The following ARMH3 variants were observed in gnomAD, a reference collection of about 807,000 sequenced individuals.
The protein encoded by ARMH3 is armadillo-like helical domain-containing protein 3.
In ARMH3, 60 loss-of-function variants were observed where a neutral mutation model predicts 99.1. The observed-to-expected ratio is 0.61, with a 90% confidence interval of 0.49 to 0.75. ARMH3 has a LOEUF of 0.75. Among genes scored for constraint, ARMH3 ranks in the 30% least tolerant of loss-of-function variants. The pLI is 0.00. For synonymous variants in ARMH3, 285 were observed against 292.8 expected (o/e 0.97, Z 0.27); for missense variants, 679 against 843.1 (o/e 0.81, Z 2.41).
chr10:101,979,737 C>G (rs932473195), intron 19 of ARMH3, among the ~76,000 whole-genome samples: 11 of 152,196 alleles, frequency 7.2e-5, no homozygotes, highest in African/African-American at 2.2e-4. Context: ...TATTCTATAA[C>G]TAGGTATGCT....
chr10:102,006,698 T>A, intron 13 of ARMH3, 65 bp from the exon 14 acceptor site: 1 of 1,442,170 alleles, frequency 6.9e-7, no homozygotes, highest in Non-Finnish European at 9.7e-7. Flanking sequence ...ATCAAGTGCC[T>A]AATACCAATA....
chr10:102,006,782 G>C, intron 13 of ARMH3, 149 bp from the exon 14 acceptor site: 1 of 624,968 alleles, frequency 1.6e-6, no homozygotes, highest in Non-Finnish European at 2.7e-6. Flanking sequence ...AGCTGGTCTC[G>C]AAATCCTAGG....
At chr10:101,989,590 G>A (rs1477208743) in intron 19 of ARMH3, among the ~76,000 whole-genome samples, 3 of 151,910 alleles carry the variant, frequency 2.0e-5, no homozygotes, top group Non-Finnish European at 2.9e-5. Context: ...GCATGGTGGT[G>A]TGCACCTGTA....
At chr10:102,037,131 A>G (rs2067296557) in intron 2 of ARMH3, among the ~76,000 whole-genome samples, 2 of 151,694 alleles carry the variant, frequency 1.3e-5, no homozygotes, top group Non-Finnish European at 2.9e-5. Flanking sequence ...TGTCATCACT[A>G]GTTAAGTCCT....
At chr10:101,997,614 G>C (rs1484855403) in intron 15 of ARMH3, among the ~76,000 whole-genome samples, 1 of 151,834 alleles carries the variant, frequency 6.6e-6, no homozygotes, top group East Asian at 1.9e-4. Context: ...AAATTCTGGA[G>C]AATGGAGAGG....
At chr10:101,973,098 C>A (rs575036132) in intron 20 of ARMH3, among the ~76,000 whole-genome samples, 1 of 152,048 alleles carries the variant, frequency 6.6e-6, no homozygotes. Flanking sequence ...TGGTGACTCA[C>A]GTCTGTAATC....
intron 23 of ARMH3, 124 bp from the exon 24 acceptor site, chr10:101,889,614 A>G: frequency 1.2e-6 from 1 of 864,060 alleles, no homozygotes; most frequent in Non-Finnish European, 2.0e-6. Flanking sequence ...GTGACTGGGT[A>G]ACTTCCTCTT....
intron 14 of ARMH3, among the ~76,000 whole-genome samples, 157 bp from the exon 15 acceptor site, chr10:102,002,229 T>C (rs2136064501): frequency 6.6e-6 from 1 of 152,194 alleles, no homozygotes. Flanking sequence ...TTTTATCTAC[T>C]CTTCCTAAGC....
At chr10:101,976,168 CAAAAAAA>C (rs780547260) in intron 19 of ARMH3, among the ~76,000 whole-genome samples, 8 of 23,188 alleles carry the variant, frequency 3.5e-4, no homozygotes, top group Admixed American at 6.4e-4. Flanking sequence ...GACTCTGTCT[CAAAAAAA>C]AAAAAAAAAA....
intron 23 of ARMH3, among the ~76,000 whole-genome samples, chr10:101,911,018 T>C (rs1433184198): frequency 6.6e-6 from 1 of 151,704 alleles, no homozygotes; most frequent in East Asian, 1.9e-4. Context: ...CAGGCGCCTG[T>C]AATCCCAACT....
chr10:102,007,879 G>T (rs1449004768), intron 13 of ARMH3, among the ~76,000 whole-genome samples: 1 of 150,258 alleles, frequency 6.7e-6, no homozygotes, highest in Non-Finnish European at 1.5e-5. Flanking sequence ...TTCAGATGGC[G>T]GCCTTCCTGT....
At chr10:101,959,026 C>T (rs1845164785) in intron 20 of ARMH3, among the ~76,000 whole-genome samples, 1 of 152,220 alleles carries the variant, frequency 6.6e-6, no homozygotes, top group Non-Finnish European at 1.5e-5. Context: ...AGGAGATAGG[C>T]ATCTTCATTT....
Position 102,006,565 on chromosome 10 carries a change from A to G in ARMH3, c.1023T>C (p.Leu341=). 1.2e-6 allele frequency: 2 copies of G among 1,613,988 alleles called. No individual in the cohort carries two copies. Among genetic ancestry groups the G allele is most frequent in the Non-Finnish European group, 1.7e-6 (2 of 1,179,886 alleles). The change falls in exon 14 of 26, where the codon CTT becomes CTC. Residue 341 remains leucine (L), a synonymous_variant. Transcript: ENST00000370033. ...CATCAGAGGAAGGCGGTGTGGTCCC[A>G]AGTGGTGTGACTGGGGTTGTAGGAG... ...SPAPTTPVTP[L]GTTPPSSDVI...
Position 102,040,084 on chromosome 10 carries a change from G to A in ARMH3, c.31C>T (p.Leu11Phe), listed in dbSNP as rs754100296. The A allele has an allele frequency of 2.5e-6, 4 of 1,614,048 alleles. No homozygotes were observed. In the African/African-American group the frequency reaches 5.3e-5, roughly 22 times the overall value. The change falls in exon 2 of 26, where the codon CTC becomes TTC. Residue 11 changes from leucine (L) to phenylalanine (F), a missense_variant. Leu to Phe is a conservative substitution (Grantham distance 22, BLOSUM62 0). This residue lies in a region of ARMH3 where 280 missense variants were observed against 354.6 expected (regional missense o/e 0.79). Transcript: ENST00000370033. MAQVEKRGGL[L>F]RKSSASKKPL... ...TTTTTGGAGGCTGAAGATTTCCGGA[G>A]CAAACCTCCACGTTTCTCTACCTGT... is the stretch of plus-strand genomic sequence containing the variant.
chr10:102,053,178 T>G (rs1465447862), intron 1 of ARMH3, among the ~76,000 whole-genome samples: 1 of 143,586 alleles, frequency 7.0e-6, no homozygotes, highest in East Asian at 2.0e-4. Context: ...TCTGCATTTC[T>G]GTCACTCCCT....
intron 19 of ARMH3, among the ~76,000 whole-genome samples, chr10:101,986,495 C>G (rs1272252234): frequency 2.0e-5 from 3 of 151,702 alleles, no homozygotes; most frequent in African/African-American, 7.3e-5. Context: ...TCATTACCTA[C>G]AGCATTCACA....
At chr10:102,038,695 A>G (rs575657760) in intron 2 of ARMH3, among the ~76,000 whole-genome samples, 1 of 152,086 alleles carries the variant, frequency 6.6e-6, no homozygotes, top group East Asian at 1.9e-4. Flanking sequence ...TTAGTGATAC[A>G]TTTAGAATGC....
intron 6 of ARMH3, 84 bp downstream of exon 6, chr10:102,025,072 T>C: frequency 1.7e-6 from 2 of 1,164,680 alleles, no homozygotes; most frequent in South Asian, 2.5e-5. Flanking sequence ...TTCTTCTCTT[T>C]TTCCTTCTAT....
chr10:101,922,840 T>G (rs1843356474), intron 23 of ARMH3, among the ~76,000 whole-genome samples: 1 of 152,144 alleles, frequency 6.6e-6, no homozygotes, highest in Non-Finnish European at 1.5e-5. Flanking sequence ...CCAAGATGAA[T>G]GCATGTGAGG....
Sources: gnomAD v4.1 joint callset for allele counts (sites outside exome capture counted in the v4.1 genomes callset) on GRCh38, gnomAD v4.1.1 for gene constraint, gnomAD v4.1.1 regional missense constraint, MANE v1.5 for transcripts, NCBI Gene and HGNC (gene_info 2026-07-23, HGNC 2026-07-21) for gene names.